Variants in TAFA2 observed in about 807,000 individuals in gnomAD.
TAFA2 encodes the protein TAFA chemokine like family member 2.
Under a neutral mutation model 18.8 loss-of-function variants are expected in TAFA2, and 7 were observed. That is an observed-to-expected ratio of 0.37 (90% CI 0.21 to 0.70). TAFA2 has a LOEUF of 0.70. Among genes scored for constraint, TAFA2 ranks in the 30% least tolerant of loss-of-function variants. The probability of loss-of-function intolerance (pLI) is 0.53; values close to 1 mark genes in which losing one functional copy is unlikely to be tolerated. For synonymous variants in TAFA2, 60 were observed against 54.2 expected (o/e 1.11, Z -0.47); for missense variants, 122 against 158.1 (o/e 0.77, Z 1.23).
At chr12:61,986,158 CTTTTTTTTTTTTT>C (rs551223452) in intron 1 of TAFA2, among the ~76,000 whole-genome samples, 4 of 65,838 alleles carry the variant, frequency 6.1e-5, no homozygotes, top group African/African-American at 1.9e-4. Flanking sequence ...CTAAGCTCTT[CTTTTTTTTTTTTT>C]TTTTTTTTTT....
chr12:61,751,793 A>G (rs73324005), intron 4 of TAFA2, among the ~76,000 whole-genome samples: 2,739 of 151,990 alleles, frequency 0.018, 76 homozygotes, highest in African/African-American at 0.061. Context: ...TGAAGCAGAC[A>G]CTCCATTTTA....
At chr12:62,220,839 G>T (rs1212433287) in intron 1 of TAFA2, among the ~76,000 whole-genome samples, 1 of 152,128 alleles carries the variant, frequency 6.6e-6, no homozygotes, top group Non-Finnish European at 1.5e-5. Flanking sequence ...CGGGCGCGGT[G>T]GCTCACGCCT....
At chr12:61,958,465 G>T (rs1433285222) in intron 1 of TAFA2, among the ~76,000 whole-genome samples, 1 of 151,574 alleles carries the variant, frequency 6.6e-6, no homozygotes. Flanking sequence ...CTTTTTCCCT[G>T]TATTCCTACC....
chr12:61,967,854 A>T (rs1234044128), intron 1 of TAFA2, among the ~76,000 whole-genome samples: 1 of 151,884 alleles, frequency 6.6e-6, no homozygotes, highest in African/African-American at 2.4e-5. Context: ...CCATGCTCCA[A>T]TAAAGAAGAT....
At chr12:62,138,984 T>A (rs891102640) in intron 1 of TAFA2, among the ~76,000 whole-genome samples, 1 of 152,104 alleles carries the variant, frequency 6.6e-6, no homozygotes, top group Non-Finnish European at 1.5e-5. Flanking sequence ...AAAAACAGTT[T>A]CCTTCCTTTT....
chr12:62,038,999 T>A (rs567249918), intron 1 of TAFA2, among the ~76,000 whole-genome samples: 8 of 152,290 alleles, frequency 5.3e-5, no homozygotes, highest in African/African-American at 1.9e-4. Context: ...CTTTGCAACA[T>A]CTGCCCCAGA....
chr12:62,236,772 C>A (rs1316631631), intron 1 of TAFA2, among the ~76,000 whole-genome samples: 1 of 152,188 alleles, frequency 6.6e-6, no homozygotes, highest in Non-Finnish European at 1.5e-5. Context: ...CGAATGTCAT[C>A]CAACTTCCTC....
At chr12:62,215,713 G>GTTTCTCTTGCTTAAGAGAAACAACTTA (rs2062732229) in intron 1 of TAFA2, among the ~76,000 whole-genome samples, 1 of 132,554 alleles carries the variant, frequency 7.5e-6, no homozygotes, top group African/African-American at 2.9e-5. Context: ...GAAACAACTT[G>GTTTCTCTTGCTTAAGAGAAACAACTTA]TTTCTCTTGC....
intron 2 of TAFA2, among the ~76,000 whole-genome samples, chr12:61,807,117 C>T (rs937438439): frequency 1.3e-5 from 2 of 150,778 alleles, no homozygotes; most frequent in Non-Finnish European, 2.9e-5. Context: ...GTCTTCATAG[C>T]AGGACCTCCC....
At chr12:61,752,088 A>G (rs184942697) in intron 4 of TAFA2, among the ~76,000 whole-genome samples, 291 of 152,154 alleles carry the variant, frequency 1.9e-3, no homozygotes, top group Non-Finnish European at 2.8e-3. Context: ...TTCCTAATTA[A>G]TTAGCTATAT....
At chr12:62,013,403 C>T (rs1880831672) in intron 1 of TAFA2, among the ~76,000 whole-genome samples, 1 of 152,068 alleles carries the variant, frequency 6.6e-6, no homozygotes, top group Non-Finnish European at 1.5e-5. Context: ...TAGGTGTGTT[C>T]ATAAACACAC....
chr12:61,985,401 A>G (rs760753818), intron 1 of TAFA2, among the ~76,000 whole-genome samples: 1 of 152,234 alleles, frequency 6.6e-6, no homozygotes, highest in Admixed American at 6.5e-5. Flanking sequence ...GAGGAAGACA[A>G]TAAAGACTGG....
intron 2 of TAFA2, among the ~76,000 whole-genome samples, chr12:61,786,514 T>G (rs1026330228): frequency 3.3e-5 from 5 of 151,590 alleles, no homozygotes; most frequent in African/African-American, 1.2e-4. Flanking sequence ...GATCCAGAAT[T>G]CACACACATT....
intron 1 of TAFA2, among the ~76,000 whole-genome samples, chr12:62,171,098 T>A (rs967369325): frequency 6.6e-6 from 1 of 152,100 alleles, no homozygotes; most frequent in Non-Finnish European, 1.5e-5. Flanking sequence ...AATGTAACAT[T>A]TAAGGTGTCA....
At chr12:61,872,657 AC>A (rs1323104433) in intron 1 of TAFA2, among the ~76,000 whole-genome samples, 1 of 152,074 alleles carries the variant, frequency 6.6e-6, no homozygotes, top group African/African-American at 2.4e-5. Context: ...ACATCCCTGT[AC>A]CCCAGGTTCC....
At position 61,710,581 on chromosome 12, in the gene TAFA2, T is replaced by C. The variant is rs148961927; in HGVS notation, c.385-164A>G. 2.7e-4 allele frequency among the ~76,000 whole-genome samples: 41 copies of C among 152,300 alleles called. No individual in the cohort carries two copies. In the East Asian group the frequency reaches 7.9e-3, roughly 29 times the overall value. On this transcript the variant is annotated intron_variant, in intron 4 of 4. Coordinates refer to ENST00000416284, the MANE Select transcript of TAFA2 (RefSeq NM_178539.5). The stretch of plus-strand genomic sequence containing the variant: ...AACAGATGCAGGTATTTCCATCATA[T>C]AAAAATATACTTTTTTTCTCATTAT...
intron 1 of TAFA2, among the ~76,000 whole-genome samples, chr12:61,927,930 A>C (rs1877376556): frequency 6.6e-6 from 1 of 152,238 alleles, no homozygotes; most frequent in East Asian, 1.9e-4. Flanking sequence ...CTATTTAATA[A>C]ATGGCGTTGG....
intron 1 of TAFA2, among the ~76,000 whole-genome samples, chr12:61,963,039 T>C (rs1878943292): frequency 6.6e-6 from 1 of 152,076 alleles, no homozygotes; most frequent in African/African-American, 2.4e-5. Flanking sequence ...TCCATGTCTC[T>C]GCAAAGGACA....
At chr12:62,248,383 G>A (rs926123752) in intron 1 of TAFA2, among the ~76,000 whole-genome samples, 6 of 152,200 alleles carry the variant, frequency 3.9e-5, no homozygotes, top group African/African-American at 1.2e-4. Context: ...TACATACAAC[G>A]CATGTGTTAA....
Sources: allele counts gnomAD v4.1 joint callset (sites outside exome capture counted in the v4.1 genomes callset), GRCh38; gene constraint gnomAD v4.1.1; transcripts MANE v1.5; gene names NCBI Gene and HGNC (gene_info 2026-07-23, HGNC 2026-07-21).